The following SLC36A1 variants were observed in gnomAD, a reference collection of about 807,000 sequenced individuals.
SLC36A1 encodes the protein proton-coupled amino acid transporter 1.
In SLC36A1, 30 loss-of-function variants were observed where a neutral mutation model predicts 47.5. That is an observed-to-expected ratio of 0.63 (90% confidence interval 0.47 to 0.86). The LOEUF is 0.86. SLC36A1 is among the 40% of genes least tolerant of loss of function. SLC36A1 has a pLI of 0.00. For synonymous variants in SLC36A1, 255 were observed against 249.7 expected (o/e 1.02, Z -0.20); for missense variants, 517 against 606.0 (o/e 0.85, Z 1.54).
intron 5 of SLC36A1, among the ~76,000 whole-genome samples, chr5:151,465,857 G>A (rs1188476944): frequency 6.6e-6 from 1 of 151,666 alleles, no homozygotes; most frequent in Non-Finnish European, 1.5e-5. Flanking sequence ...TCTCGTTATG[G>A]TAACTCTTCA....
chr5:151,485,187 G>A (rs1303013270), intron 10 of SLC36A1, among the ~76,000 whole-genome samples: 1 of 152,204 alleles, frequency 6.6e-6, no homozygotes, highest in Non-Finnish European at 1.5e-5. Flanking sequence ...GTAGTTTTGA[G>A]TTTCAGGGAA....
chr5:151,421,885 C>T, the SLC36A1 span, among the ~76,000 whole-genome samples: 6 of 152,238 alleles, frequency 3.9e-5, no homozygotes, highest in Admixed American at 2.6e-4. Flanking sequence ...CCACCGCGCC[C>T]GGCTGTCTTG....
the SLC36A1 span, chr5:151,512,468 C>A: frequency 1.2e-6 from 2 of 1,614,212 alleles, no homozygotes. The surrounding 1 kb of genome is among the most constrained non-coding windows in gnomAD (Gnocchi z 4.1). Context: ...ATGCTGTCAA[C>A]CATCAGGCGA....
At chr5:151,421,883 C>T in the SLC36A1 span, among the ~76,000 whole-genome samples, 3 of 152,174 alleles carry the variant, frequency 2.0e-5, no homozygotes. Context: ...AGCCACCGCG[C>T]CCGGCTGTCT....
At chr5:151,527,282 A>G in the SLC36A1 span, 5 of 1,611,582 alleles carry the variant, frequency 3.1e-6, no homozygotes, top group Non-Finnish European at 4.2e-6. Flanking sequence ...GTGGGTTATC[A>G]TTGACATCAG....
the SLC36A1 span, among the ~76,000 whole-genome samples, chr5:151,397,513 G>A: frequency 0.072 from 10,971 of 152,158 alleles, 995 homozygotes; most frequent in African/African-American, 0.22. Flanking sequence ...TGGGTAGGGC[G>A]CAGTGGCTCA....
At chr5:151,545,047 G>T in the SLC36A1 span, 1 of 1,614,046 alleles carries the variant, frequency 6.2e-7, no homozygotes, top group Non-Finnish European at 8.5e-7. Flanking sequence ...CCGGTCAAAC[G>T]CCACACCTCT....
the SLC36A1 span, among the ~76,000 whole-genome samples, chr5:151,419,146 C>T: frequency 4.6e-5 from 7 of 152,182 alleles, no homozygotes; most frequent in Non-Finnish European, 1.0e-4. Flanking sequence ...AACTGTGAGT[C>T]AATTAAATCT....
chr5:151,350,964 AC>A, the SLC36A1 span, among the ~76,000 whole-genome samples: 2 of 152,076 alleles, frequency 1.3e-5, no homozygotes, highest in African/African-American at 2.4e-5. Flanking sequence ...GGATTAAAGG[AC>A]AATGTTTTTA....
chr5:151,534,700 T>C, the SLC36A1 span: 1 of 1,462,302 alleles, frequency 6.8e-7, no homozygotes, highest in Non-Finnish European at 9.5e-7. Flanking sequence ...CCCAAGCATG[T>C]GCCCTCTATA....
chr5:151,512,758 A>G, the SLC36A1 span: 4 of 688,118 alleles, frequency 5.8e-6, no homozygotes, highest in South Asian at 2.0e-5. The surrounding 1 kb of genome is among the most constrained non-coding windows in gnomAD (Gnocchi z 4.1). Context: ...GAGCATAAAA[A>G]CCCTCAAAGT....
chr5:151,545,259 A>G, the SLC36A1 span: 1 of 1,614,142 alleles, frequency 6.2e-7, no homozygotes. Context: ...GGGTCAAAGA[A>G]ATTTTTACCA....
In SLC36A1 at chr5:151,465,064, A is replaced by T; in HGVS notation, c.324-10A>T. ...TGCTCTGTCCTTCCTCTTCCCTCCT[A>T]CTCTTCCAGGCTGAATAAATCCTTT... On this transcript the variant is annotated splice_polypyrimidine_tract_variant and intron_variant, in intron 4 of 10. Transcript: ENST00000243389. The T allele has an allele frequency of 3.7e-6, 6 of 1,605,284 alleles. No individual in the cohort carries two copies. Among genetic ancestry groups the T allele is most frequent in the Non-Finnish European group, 5.1e-6 (6 of 1,172,402 alleles).
At chr5:151,545,706 C>T in the SLC36A1 span, 240 of 1,614,088 alleles carry the variant, frequency 1.5e-4, no homozygotes, top group African/African-American at 1.7e-3. Flanking sequence ...TCAAGGCCTC[C>T]GGCTCCAAAA....
At chr5:151,399,674 G>C in the SLC36A1 span, among the ~76,000 whole-genome samples, 21 of 152,246 alleles carry the variant, frequency 1.4e-4, no homozygotes, top group Non-Finnish European at 2.1e-4. Flanking sequence ...TGTGTAAATA[G>C]GGTGACTTGT....
intron 1 of SLC36A1, among the ~76,000 whole-genome samples, chr5:151,455,112 A>G (rs866200069): frequency 1.5e-4 from 23 of 152,144 alleles, no homozygotes; most frequent in Non-Finnish European, 2.2e-4. Context: ...ACATGTACCC[A>G]TGTGTAACAT....
the SLC36A1 span, chr5:151,543,451 G>C: frequency 6.2e-7 from 1 of 1,614,106 alleles, no homozygotes; most frequent in Non-Finnish European, 8.5e-7. Flanking sequence ...TCCATCCCGA[G>C]CCATGACCTT....
chr5:151,519,407 A>G, the SLC36A1 span, among the ~76,000 whole-genome samples: 1 of 152,212 alleles, frequency 6.6e-6, no homozygotes, highest in Non-Finnish European at 1.5e-5. Flanking sequence ...CCATTGTAGT[A>G]GGTACTTATT....
In SLC36A1 at chr5:151,465,156, G is replaced by A. The variant is rs201241765; in HGVS notation, c.406G>A (p.Ala136Thr). The change falls in exon 5 of 11, where the codon GCA becomes ACA. Residue 136 changes from alanine to threonine, a missense_variant. Ala to Thr is a moderately conservative substitution (Grantham distance 58). Transcript: ENST00000243389. Reference protein sequence around the residue: ...SSPCSWLRNHAHWGRRVVDFF... With the variant: ...SSPCSWLRNHTHWGRRVVDFF... ...CCCCTGCTCCTGGCTCCGGAACCACGCACACTGGGGAAGGTAACTGATTTC... is the reference window on the plus strand; with the variant it reads ...CCCCTGCTCCTGGCTCCGGAACCACACACACTGGGGAAGGTAACTGATTTC... 8.7e-6 allele frequency: 14 copies of A among 1,613,590 alleles called. No homozygotes were observed. Among genetic ancestry groups the A allele is most frequent in the East Asian group, 6.7e-5 (3 of 44,878 alleles).
Sources: gnomAD v4.1 joint callset for allele counts (sites outside exome capture counted in the v4.1 genomes callset) on GRCh38, gnomAD v4.1.1 for gene constraint, Gnocchi (gnomAD v3.1) non-coding constraint, MANE v1.5 for transcripts, NCBI Gene and HGNC (gene_info 2026-07-23, HGNC 2026-07-21) for gene names.